LIN7A: variants seen among roughly 807,000 people sequenced by gnomAD.
LIN7A encodes protein lin-7 homolog A.
Under a neutral mutation model 29.8 loss-of-function variants are expected in LIN7A, and 25 were observed. The observed-to-expected ratio is 0.84, with a 90% CI of 0.61 to 1.17. The LOEUF (loss-of-function observed/expected upper bound fraction) is 1.17, where lower values mean the gene tolerates loss of function less well. Ranked by LOEUF, LIN7A falls within the 50% of genes most tolerant of loss-of-function variation. The pLI is 0.00. For synonymous variants in LIN7A, 118 were observed against 107.5 expected (o/e 1.10, Z -0.60); for missense variants, 239 against 287.0 (o/e 0.83, Z 1.21).
intron 4 of LIN7A, among the ~76,000 whole-genome samples, chr12:80,835,276 T>C (rs897285064): frequency 2.6e-5 from 4 of 152,170 alleles, no homozygotes; most frequent in Non-Finnish European, 5.9e-5. Flanking sequence ...TGCTGTGTAA[T>C]TGTGGAAGCA....
At chr12:80,805,179 G>A (rs1241026416) in intron 5 of LIN7A, among the ~76,000 whole-genome samples, 2 of 152,194 alleles carry the variant, frequency 1.3e-5, no homozygotes, top group African/African-American at 2.4e-5. Flanking sequence ...TTTAATAAGT[G>A]TTAGTCAGCT....
intron 2 of LIN7A, among the ~76,000 whole-genome samples, chr12:80,854,346 A>G (rs962637457): frequency 3.3e-5 from 5 of 152,012 alleles, no homozygotes; most frequent in Admixed American, 2.0e-4. Context: ...AGCCTGAGGC[A>G]GGAGGATCAC....
chr12:80,889,384 A>T lies in LIN7A; in HGVS notation c.83-15T>A. On this transcript the variant is annotated splice_polypyrimidine_tract_variant and intron_variant, in intron 1 of 5. Transcript: ENST00000552864. ...TCTTGCAACATCTGAATGAAAAAAA[A>T]TGAAAATAGAGAAACCTAGAATAAA... is the stretch of plus-strand genomic sequence containing the variant. The T allele has an allele frequency of 7.0e-7, 1 of 1,438,218 alleles. No individual in the cohort carries two copies. Among genetic ancestry groups the T allele is most frequent in the East Asian group, 2.3e-5 (1 of 43,934 alleles). The allele number at this position is 1,438,218 out of a possible 1,614,324, so 89.1% of individuals were successfully genotyped here. A position where few individuals can be genotyped will look rare whatever the true frequency, so the allele number is the denominator to read the frequency against.
At chr12:80,830,495 T>C (rs937100087) in intron 4 of LIN7A, among the ~76,000 whole-genome samples, 1 of 152,174 alleles carries the variant, frequency 6.6e-6, no homozygotes, top group Non-Finnish European at 1.5e-5. Flanking sequence ...GTATTTTCCA[T>C]TACTTTTGTT....
At chr12:80,852,175 T>C (rs976602149) in intron 2 of LIN7A, among the ~76,000 whole-genome samples, 1 of 152,184 alleles carries the variant, frequency 6.6e-6, no homozygotes, top group African/African-American at 2.4e-5. Flanking sequence ...TTTTTCTTTA[T>C]ATTTAAATGA....
At chr12:80,811,820 T>C (rs889434424) in intron 4 of LIN7A, 137 bp from the exon 5 acceptor site, 1 of 988,250 alleles carries the variant, frequency 1.0e-6, no homozygotes, top group African/African-American at 1.6e-5. Context: ...TATCTTACCA[T>C]CATCGTTATT....
chr12:80,842,312 G>A (rs149419130), intron 4 of LIN7A, among the ~76,000 whole-genome samples: 1 of 152,094 alleles, frequency 6.6e-6, no homozygotes, highest in East Asian at 1.9e-4. Context: ...TTAAACATCT[G>A]AAAAGACATC....
At chr12:80,885,093 T>A (rs1013404687) in intron 2 of LIN7A, among the ~76,000 whole-genome samples, 1 of 152,164 alleles carries the variant, frequency 6.6e-6, no homozygotes, top group African/African-American at 2.4e-5. Flanking sequence ...ATATGATCAC[T>A]TATACATTTA....
chr12:80,869,548 C>G (rs1874319556), intron 2 of LIN7A, among the ~76,000 whole-genome samples: 1 of 152,102 alleles, frequency 6.6e-6, no homozygotes, highest in Admixed American at 6.6e-5. Flanking sequence ...TTGGCACCCT[C>G]TGACTTCTTT....
At chr12:80,896,711 A>T (rs1592933009) in intron 1 of LIN7A, among the ~76,000 whole-genome samples, 1 of 152,254 alleles carries the variant, frequency 6.6e-6, no homozygotes, top group Non-Finnish European at 1.5e-5. Context: ...TATATTTGTT[A>T]TCAAAAACTA....
At chr12:80,916,038 A>G (rs899701732) in intron 1 of LIN7A, among the ~76,000 whole-genome samples, 6 of 151,986 alleles carry the variant, frequency 3.9e-5, no homozygotes, top group African/African-American at 1.4e-4. Context: ...ATAAAATTTG[A>G]GGGGGAAAAA....
chr12:80,828,871 A>G (rs998883834), intron 4 of LIN7A, among the ~76,000 whole-genome samples: 1 of 152,140 alleles, frequency 6.6e-6, no homozygotes, highest in South Asian at 2.1e-4. Flanking sequence ...GCTCACTACA[A>G]TGGTGTTTCT....
At chr12:80,824,952 A>G (rs1871989235) in intron 4 of LIN7A, among the ~76,000 whole-genome samples, 1 of 152,180 alleles carries the variant, frequency 6.6e-6, no homozygotes, top group Non-Finnish European at 1.5e-5. Flanking sequence ...GAGAACTGCA[A>G]CAAGACAAGG....
chr12:80,801,178 C>A (rs768476816), intron 5 of LIN7A, among the ~76,000 whole-genome samples: 1 of 152,016 alleles, frequency 6.6e-6, no homozygotes, highest in Non-Finnish European at 1.5e-5. Flanking sequence ...TTAATTTATT[C>A]TTTATACTTC....
intron 1 of LIN7A, among the ~76,000 whole-genome samples, chr12:80,934,206 T>G (rs1217758439): frequency 1.3e-5 from 2 of 152,224 alleles, no homozygotes; most frequent in Non-Finnish European, 2.9e-5. Context: ...TAGTAGGTTC[T>G]AATTACCACA....
chr12:80,873,320 A>C (rs973846189), intron 2 of LIN7A, among the ~76,000 whole-genome samples: 2 of 152,066 alleles, frequency 1.3e-5, no homozygotes, highest in African/African-American at 2.4e-5. Flanking sequence ...ACTTGAGCCC[A>C]GGAGTTCAAG....
intron 1 of LIN7A, among the ~76,000 whole-genome samples, chr12:80,909,062 T>G (rs983608004): frequency 6.6e-6 from 1 of 152,156 alleles, no homozygotes; most frequent in Admixed American, 6.5e-5. Context: ...GCCTCAAAGA[T>G]TTTCTTATAC....
chr12:80,874,504 T>C (rs995072636), intron 2 of LIN7A, among the ~76,000 whole-genome samples: 5 of 152,156 alleles, frequency 3.3e-5, no homozygotes, highest in African/African-American at 7.2e-5. Flanking sequence ...ATAACAAATA[T>C]ATGAGAAAAT....
intron 1 of LIN7A, among the ~76,000 whole-genome samples, chr12:80,901,540 A>AT (rs35213072): frequency 0.68 from 102,930 of 151,854 alleles, 38,958 homozygotes; most frequent in Non-Finnish European, 0.87. Flanking sequence ...AAATTGAGAG[A>AT]TTTTTTCCCT....
Sources: allele counts gnomAD v4.1 joint callset (sites outside exome capture counted in the v4.1 genomes callset), GRCh38; gene constraint gnomAD v4.1.1; transcripts MANE v1.5; gene names NCBI Gene and HGNC (gene_info 2026-07-23, HGNC 2026-07-21).